The following FSD1L variants were observed in gnomAD, a reference collection of about 807,000 sequenced individuals.
The protein encoded by FSD1L is FSD1-like protein.
A neutral mutation model predicts 71.6 loss-of-function variants in FSD1L; 45 were observed. The ratio of observed to expected loss-of-function variants is 0.63; its 90% confidence interval spans 0.49 to 0.81. The LOEUF is 0.81. FSD1L is among the 30% of genes least tolerant of loss of function. The pLI is 0.00. For synonymous variants in FSD1L, 197 were observed against 207.2 expected, an observed-to-expected ratio of 0.95 and a Z score of 0.42; for missense variants, 561 against 618.1, an observed-to-expected ratio of 0.91 and a Z score of 0.98.
chr9:105,522,053 T>C lies in FSD1L; in HGVS notation c.1025+9117T>C, dbSNP rs948858118. The C allele has an allele frequency of 3.7e-6, 6 of 1,612,944 alleles. No homozygotes were observed. In the African/African-American group the frequency reaches 8.0e-5, roughly 22 times the overall value. On this transcript the variant is annotated intron_variant, in intron 10 of 13. Transcript: ENST00000481272. ...CTGTACTGAAGATGCCATCACAAGC[T>C]TTTCTACAGTTCCAAGGGAAAAAAA...
intron 10 of FSD1L, among the ~76,000 whole-genome samples, chr9:105,516,376 C>G (rs909596515): frequency 1.3e-5 from 2 of 152,162 alleles, no homozygotes; most frequent in African/African-American, 4.8e-5. Flanking sequence ...GGGTCCTTGA[C>G]CCCCGTGAAT....
chr9:105,521,674 C>T (rs1835167977), intron 10 of FSD1L: 3 of 1,613,246 alleles, frequency 1.9e-6, no homozygotes, highest in Admixed American at 3.3e-5. Context: ...CATGATATTT[C>T]AATGGAAGAA....
intron 7 of FSD1L, among the ~76,000 whole-genome samples, chr9:105,493,088 T>C (rs1833075105): frequency 6.6e-6 from 1 of 152,206 alleles, no homozygotes; most frequent in Non-Finnish European, 1.5e-5. Context: ...CTGTCTAATG[T>C]TGACAGTGGG....
chr9:105,541,875 G>GA (rs1836641765), intron 13 of FSD1L, among the ~76,000 whole-genome samples: 1 of 152,122 alleles, frequency 6.6e-6, no homozygotes, highest in Admixed American at 6.5e-5. Context: ...CGTATAAATA[G>GA]AATTGTATGG....
chr9:105,533,414 A>ATTTTTTTTTTTTTTTTTTTTTT (rs1271918066), intron 10 of FSD1L, among the ~76,000 whole-genome samples: 41 of 13,340 alleles, frequency 3.1e-3, no homozygotes, highest in Non-Finnish European at 3.9e-3. Flanking sequence ...TGCCATTTCC[A>ATTTTTTTTTTTTTTTTTTTTTT]TCTTTTTTTT....
intron 10 of FSD1L, chr9:105,522,206 G>A (rs916426001): frequency 1.2e-5 from 19 of 1,613,750 alleles, no homozygotes; most frequent in African/African-American, 4.0e-5. Context: ...TATTGTCATC[G>A]TTGACCTATT....
intron 7 of FSD1L, among the ~76,000 whole-genome samples, chr9:105,487,486 C>A (rs1832627490): frequency 6.7e-6 from 1 of 150,120 alleles, no homozygotes; most frequent in South Asian, 2.1e-4. Context: ...ATTTTCATTT[C>A]TTTAAGTATG....
chr9:105,473,521 A>G (rs1017804566), intron 5 of FSD1L, among the ~76,000 whole-genome samples: 1 of 152,064 alleles, frequency 6.6e-6, no homozygotes, highest in African/African-American at 2.4e-5. Context: ...TACTGCTACT[A>G]TTTTCAGTAT....
At chr9:105,478,199 C>T (rs550404177) in intron 5 of FSD1L, among the ~76,000 whole-genome samples, 44 of 152,192 alleles carry the variant, frequency 2.9e-4, no homozygotes, top group Non-Finnish European at 5.0e-4. Flanking sequence ...GAGCCAAGAT[C>T]GTGCCACTGC....
chr9:105,541,866 G>C (rs140655725), intron 13 of FSD1L, among the ~76,000 whole-genome samples: 1 of 152,116 alleles, frequency 6.6e-6, no homozygotes, highest in Non-Finnish European at 1.5e-5. Flanking sequence ...CCAGAACATC[G>C]TATAAATAGA....
Position 105,546,413 on chromosome 9 carries a change from G to A in FSD1L, c.1523G>A (p.Arg508Lys). 1 of 1,550,182 alleles carries A rather than the reference G, an allele frequency of 6.5e-7. No homozygotes were observed. The highest frequency in any genetic ancestry group is 8.7e-7 in the Non-Finnish European group (1 of 1,146,046). The part of the protein sequence containing the change: ...STGMQVPSAV[R>K]TLQKSENGMT... ...GGGATGCAGGTTCCAAGTGCTGTGA[G>A]AACACTTCAGAAAAGTGAAAATGGA... is the stretch of plus-strand genomic sequence containing the variant. Residue 508 changes from arginine to lysine, a missense_variant, in exon 14 of 14, where the codon AGA becomes AAA. Physicochemically the swap from Arg to Lys is conservative, Grantham distance 26. Coordinates refer to ENST00000481272, the MANE Select transcript of FSD1L (RefSeq NM_001145313.3).
rs111660399 is a variant in FSD1L at position 105,524,342 on chromosome 9, G to A, written c.1026-10151G>A. 1.7e-3 allele frequency: 2,707 copies of A among 1,613,818 alleles called. 44 individuals carry two copies. The African/African-American group carries it at 0.033, about 19-fold the overall frequency. On this transcript the variant is annotated intron_variant, in intron 10 of 13. Coordinates refer to ENST00000481272, the MANE Select transcript of FSD1L (RefSeq NM_001145313.3). ...CTGATTCTCCCTTGAAAATTATTCA[G>A]ATCCTAATAGCTACCATCACCCATC...
chr9:105,496,103 T>A (rs1230377301), intron 7 of FSD1L, among the ~76,000 whole-genome samples: 1 of 152,148 alleles, frequency 6.6e-6, no homozygotes, highest in Non-Finnish European at 1.5e-5. Context: ...ATTCTAATAA[T>A]GTTTAGCCTA....
intron 7 of FSD1L, among the ~76,000 whole-genome samples, chr9:105,499,194 A>AT (rs1833616707): frequency 6.6e-6 from 1 of 151,978 alleles, no homozygotes; most frequent in African/African-American, 2.4e-5. Context: ...GTACTTAGTG[A>AT]TTTTCTGCCT....
intron 1 of FSD1L, among the ~76,000 whole-genome samples, chr9:105,449,141 T>G (rs143534584): frequency 7.9e-5 from 12 of 152,316 alleles, no homozygotes; most frequent in African/African-American, 2.9e-4. Flanking sequence ...AGACTATTCT[T>G]TTCTATTATT....
chr9:105,535,356 G>C (rs1034360769), intron 12 of FSD1L, 38 bp downstream of exon 12: 1 of 1,546,744 alleles, frequency 6.5e-7, no homozygotes, highest in South Asian at 1.2e-5. Context: ...CATCATAGTT[G>C]CTTGCATTTC....
At position 105,524,079 on chromosome 9, in the gene FSD1L, A is replaced by T. The variant is rs570737160; in HGVS notation, c.1026-10414A>T. The T allele has an allele frequency of 1.2e-5, 20 of 1,611,260 alleles. No individual in the cohort carries two copies. In the African/African-American group the frequency reaches 2.0e-4, roughly 16 times the overall value. Reference sequence around the variant, plus strand: ...AGATGTTAAGGAACTTATAATCAAAACTGTATTAAGCTCGGCAAGAGATGA... The same window carrying T: ...AGATGTTAAGGAACTTATAATCAAATCTGTATTAAGCTCGGCAAGAGATGA... On this transcript the variant is annotated intron_variant, in intron 10 of 13. Coordinates refer to ENST00000481272, the MANE Select transcript of FSD1L (RefSeq NM_001145313.3).
intron 3 of FSD1L, 148 bp downstream of exon 3, chr9:105,464,479 T>A (rs949016828): frequency 2.1e-6 from 1 of 476,148 alleles, no homozygotes; most frequent in Admixed American, 4.3e-5. Context: ...ATGTTTTCAT[T>A]GCAATTCCTG....
intron 10 of FSD1L, chr9:105,524,656 A>G (rs1835394126): frequency 6.2e-7 from 1 of 1,613,968 alleles, no homozygotes; most frequent in Non-Finnish European, 8.5e-7. Flanking sequence ...ATGCATTTGG[A>G]AAGTCTGAAA....
Sources: gnomAD v4.1 joint callset for allele counts (sites outside exome capture counted in the v4.1 genomes callset) on GRCh38, gnomAD v4.1.1 for gene constraint, MANE v1.5 for transcripts, NCBI Gene and HGNC (gene_info 2026-07-23, HGNC 2026-07-21) for gene names.